Variants in SLC25A41 observed in about 807,000 individuals in gnomAD.
SLC25A41 encodes the protein mitochondrial carrier protein SCaMC-3L.
In SLC25A41, 35 loss-of-function variants were observed where a neutral mutation model predicts 34.7. The ratio of observed to expected loss-of-function variants is 1.01; its 90% CI spans 0.77 to 1.34. SLC25A41 has a LOEUF of 1.34. Among genes scored for constraint, SLC25A41 ranks in the 40% most tolerant of loss-of-function variants. SLC25A41 has a pLI of 0.00. For synonymous variants in SLC25A41, 190 were observed against 209.9 expected (o/e 0.91, Z 0.82); for missense variants, 492 against 489.8 (o/e 1.00, Z -0.04).
At position 6,433,562 on chromosome 19, in the gene SLC25A41, A is replaced by G. The variant is rs764108813; in HGVS notation, c.132T>C (p.Pro44=). 1 of 1,370,688 alleles carries G rather than the reference A, an allele frequency of 7.3e-7. No homozygotes were observed. The highest frequency in any genetic ancestry group is 9.8e-7 in the Non-Finnish European group (1 of 1,016,626). 84.9% of individuals were successfully genotyped at this position (1,370,688 alleles called of 1,614,324 possible). ...CGTACCCATACACGTGTGTACAGCC[A>G]GGGTTCCAGGATGGGGGTGGAGGCG... is the stretch of plus-strand genomic sequence containing the variant. The part of the protein sequence containing the change: ...QPPPPPPSWN[P]GCTHVYGYAF... Residue 44 remains proline (P), a synonymous_variant, in exon 1 of 7, where the codon CCT becomes CCC. Transcript: ENST00000321510.
Position 6,429,036 on chromosome 19 carries a change from TA to T in SLC25A41, c.624+687del, listed in dbSNP as rs1568349292. On this transcript the variant is annotated intron_variant, in intron 4 of 6. Coordinates refer to ENST00000321510, the MANE Select transcript of SLC25A41 (RefSeq NM_173637.4). ...TGGCCTGAAAATTTATATATATATA[TA>T]TAATATATATATTATATATATGTTA... 1.5e-4 allele frequency among the ~76,000 whole-genome samples: 6 copies of T among 39,760 alleles called. 1 individual carries two copies. The highest frequency in any genetic ancestry group is 1.3e-3 in the African/African-American group (6 of 4,636). The allele number at this position is 39,760 out of a possible 152,430, so 26.1% of individuals were successfully genotyped here.
chr19:6,427,345 C>A lies in SLC25A41; in HGVS notation c.781G>T (p.Ala261Ser). 6.2e-7 allele frequency: 1 copy of A among 1,606,490 alleles called. No homozygotes were observed. ...TGCAGGACCCATACCTCATAGACAG[C>A]CAGGTCGGTGCAGGCATAGGGGATG... is the stretch of plus-strand genomic sequence containing the variant. ...GIIPYACTDL[A>S]VYEMLQCFWV... The change falls in exon 5 of 7, where the codon GCT becomes TCT. Residue 261 changes from alanine (A) to serine (S), a missense_variant. Ala to Ser is a moderately conservative substitution (Grantham distance 99). Transcript: ENST00000321510. The surrounding 1 kb of genome is among the most constrained non-coding windows in gnomAD (Gnocchi z 4.9).
chr19:6,430,590 C>A (rs932993228), intron 2 of SLC25A41: 3 of 352,686 alleles, frequency 8.5e-6, no homozygotes, highest in Non-Finnish European at 1.7e-5. Flanking sequence ...CAGGTTCAGG[C>A]GATTCTCCTG....
chr19:6,429,492 AG>A (rs2092273417), intron 4 of SLC25A41, among the ~76,000 whole-genome samples: 3 of 100,346 alleles, frequency 3.0e-5, no homozygotes, highest in African/African-American at 7.9e-5. Context: ...GGGGAGGAGG[AG>A]GGAGAAAGGA....
In SLC25A41 at chr19:6,433,664, G is replaced by T; in HGVS notation, c.30C>A (p.Asn10Lys). Residue 10 changes from asparagine to lysine, a missense_variant, in exon 1 of 7, where the codon AAC becomes AAA. Physicochemically the swap from Asn to Lys is moderately conservative, Grantham distance 94. Transcript: ENST00000321510. The part of the protein sequence containing the change: MGAQPGEPQ[N>K]TCSRIQTLFR... ...ACAGTGTCTGGATCCTAGAGCAAGT[G>T]TTCTGAGGTTCCCCAGGCTGAGCGC... 1 of 1,582,414 alleles carries T rather than the reference G, an allele frequency of 6.3e-7. No homozygotes were observed. Among genetic ancestry groups the T allele is most frequent in the Non-Finnish European group, 8.6e-7 (1 of 1,160,200 alleles).
upstream of SLC25A41, among the ~76,000 whole-genome samples, chr19:6,435,746 A>G (rs1279770092): frequency 1.3e-5 from 2 of 152,152 alleles, no homozygotes; most frequent in Admixed American, 6.6e-5. Context: ...AGTCCCAGCT[A>G]CTTGGGAGGC....
chr19:6,431,768 A>G (rs1388315351), intron 2 of SLC25A41, among the ~76,000 whole-genome samples: 6 of 151,968 alleles, frequency 3.9e-5, no homozygotes, highest in African/African-American at 1.2e-4. Context: ...AACTCGTCCA[A>G]AGACCCCATC....
At chr19:6,433,801 A>T (rs752988533), upstream of SLC25A41, 1 of 981,724 alleles carries the variant, frequency 1.0e-6, no homozygotes, top group Non-Finnish European at 1.5e-6. Flanking sequence ...CAAGAGGAGG[A>T]TGAAGTCACA....
chr19:6,429,164 A>ATGTTATATATATGTT (rs1491091352), intron 4 of SLC25A41, among the ~76,000 whole-genome samples: 3 of 5,520 alleles, frequency 5.4e-4, no homozygotes, highest in Admixed American at 3.4e-3. Context: ...TTATATATAT[A>ATGTTATATATATGTT]ATATATATAT....
Position 6,433,714 on chromosome 19 carries a change from G to C in SLC25A41, c.-21C>G, listed in dbSNP as rs756149471. ...CCCATGGAGGAAGTTAGGACACCTG[G>C]CTTCAAATCCCTAAGCAGTTGTTTG... On this transcript the variant is annotated 5_prime_UTR_variant, in exon 1 of 7. Coordinates refer to ENST00000321510, the MANE Select transcript of SLC25A41 (RefSeq NM_173637.4). 1.3e-6 allele frequency: 2 copies of C among 1,516,152 alleles called. No individual in the cohort carries two copies. The highest frequency in any genetic ancestry group is 2.1e-5 in the Admixed American group (1 of 48,018). 93.9% of individuals were successfully genotyped at this position (1,516,152 alleles called of 1,614,324 possible).
upstream of SLC25A41, among the ~76,000 whole-genome samples, chr19:6,434,092 C>T (rs145168470): frequency 0.019 from 2,918 of 152,232 alleles, 91 homozygotes; most frequent in African/African-American, 0.066. Context: ...TACAGGCATC[C>T]GCCACCACGC....
intron 4 of SLC25A41, among the ~76,000 whole-genome samples, chr19:6,428,835 T>C (rs1404379631): frequency 2.1e-5 from 3 of 144,160 alleles, no homozygotes; most frequent in Non-Finnish European, 4.5e-5. Context: ...CACCTCAGCC[T>C]CCTGAGTAGC....
intron 1 of SLC25A41, 115 bp downstream of exon 1, chr19:6,433,372 G>C (rs1461943960): frequency 1.9e-6 from 2 of 1,070,566 alleles, no homozygotes; most frequent in African/African-American, 3.1e-5. Flanking sequence ...CCTGCTTCAA[G>C]GTGGAATTCT....
At chr19:6,433,769 G>T, upstream of SLC25A41, 1 of 1,258,906 alleles carries the variant, frequency 7.9e-7, no homozygotes, top group Non-Finnish European at 1.1e-6. Context: ...GGAGTGTCTA[G>T]TGGGAGGATT....
intron 2 of SLC25A41, among the ~76,000 whole-genome samples, chr19:6,431,728 C>T (rs2092286229): frequency 6.6e-6 from 1 of 152,242 alleles, no homozygotes; most frequent in African/African-American, 2.4e-5. Flanking sequence ...GAGGCATGAG[C>T]CACTGCACCT....
At position 6,426,245 on chromosome 19, in the gene SLC25A41, G is replaced by A; in HGVS notation, c.*144C>T. 3.6e-6 allele frequency: 2 copies of A among 555,690 alleles called. No homozygotes were observed. Among genetic ancestry groups the A allele is most frequent in the South Asian group, 2.6e-5 (1 of 38,126 alleles). 34.4% of individuals were successfully genotyped at this position (555,690 alleles called of 1,614,324 possible). The stretch of plus-strand genomic sequence containing the variant: ...AGCTTCAGGAATCTTCTGACCCAGA[G>A]CCCCACCCCCACCCCCAGCCTGCTT... On this transcript the variant is annotated 3_prime_UTR_variant, in exon 7 of 7. Coordinates refer to ENST00000321510, the MANE Select transcript of SLC25A41 (RefSeq NM_173637.4).
chr19:6,427,608 G>C lies in SLC25A41; in HGVS notation c.625-107C>G, dbSNP rs534928586. 7.8e-7 allele frequency: 1 copy of C among 1,282,312 alleles called. No homozygotes were observed. Among genetic ancestry groups the C allele is most frequent in the South Asian group, 1.8e-5 (1 of 56,250 alleles). 79.4% of individuals were successfully genotyped at this position (1,282,312 alleles called of 1,614,324 possible). ...AAACAAGGAAAATGAGGCTCAGGAAGGCAAAGAGCTGGGTTTCAGACCCGG... is the reference window on the plus strand; with the variant it reads ...AAACAAGGAAAATGAGGCTCAGGAACGCAAAGAGCTGGGTTTCAGACCCGG... On this transcript the variant is annotated intron_variant, in intron 4 of 6. Coordinates refer to ENST00000321510, the MANE Select transcript of SLC25A41 (RefSeq NM_173637.4). This position sits in a 1 kb window ranked among gnomAD's most constrained non-coding sequence, Gnocchi z 4.9.
upstream of SLC25A41, among the ~76,000 whole-genome samples, chr19:6,435,429 A>C (rs1298728651): frequency 6.6e-6 from 1 of 151,694 alleles, no homozygotes; most frequent in Non-Finnish European, 1.5e-5. Context: ...AAGTTTTAAA[A>C]ATTATTTTTG....
At chr19:6,435,251 AG>A (rs982847055), upstream of SLC25A41, among the ~76,000 whole-genome samples, 21 of 148,436 alleles carry the variant, frequency 1.4e-4, no homozygotes, top group African/African-American at 5.1e-4. Flanking sequence ...AAAAAAAAAA[AG>A]AATTAAGGTT....
Sources: gnomAD v4.1 joint callset for allele counts (sites outside exome capture counted in the v4.1 genomes callset) on GRCh38, gnomAD v4.1.1 for gene constraint, Gnocchi (gnomAD v3.1) non-coding constraint, MANE v1.5 for transcripts, NCBI Gene and HGNC (gene_info 2026-07-23, HGNC 2026-07-21) for gene names.